Variants in SNX11 observed in about 807,000 individuals in gnomAD.
The protein encoded by SNX11 is sorting nexin-11.
Under a neutral mutation model 30.7 loss-of-function variants are expected in SNX11, and 19 were observed. The ratio of observed to expected loss-of-function variants is 0.62; its 90% confidence interval spans 0.43 to 0.91. SNX11 has a LOEUF of 0.91. Among genes scored for constraint, SNX11 ranks in the 40% least tolerant of loss-of-function variants. The pLI, the probability that SNX11 is intolerant of heterozygous loss-of-function variation, is 0.00. For synonymous variants in SNX11, 112 were observed against 119.0 expected (o/e 0.94, Z 0.38); for missense variants, 302 against 326.7 (o/e 0.92, Z 0.58).
chr17:48,113,601 A>T, intron 4 of SNX11, 200 bp downstream of exon 4: 1 of 445,016 alleles, frequency 2.2e-6, no homozygotes, highest in South Asian at 2.1e-5. Flanking sequence ...GCTGGAGTGC[A>T]GTGGTGCAAT....
chr17:48,113,858 GT>G lies in SNX11; in HGVS notation c.230+471del, dbSNP rs1250987104. On this transcript the variant is annotated intron_variant, in intron 4 of 6. Transcript: ENST00000359238. ...CCACCAGGCCCGGCTGGGAAATAAT[GT>G]TTTTTTTTTTTTTGAGATGGAGTCT... 4.1e-3 allele frequency among the ~76,000 whole-genome samples: 570 copies of G among 137,778 alleles called. 7 individuals are homozygous for G. The highest frequency in any genetic ancestry group is 0.013 in the African/African-American group (473 of 37,590). 90.4% of individuals were successfully genotyped at this position (137,778 alleles called of 152,430 possible).
At chr17:48,110,418 G>T (rs1454104429) in intron 1 of SNX11, among the ~76,000 whole-genome samples, 1 of 152,178 alleles carries the variant, frequency 6.6e-6, no homozygotes, top group East Asian at 1.9e-4. Flanking sequence ...TGCAGTGTTT[G>T]TCTGTGGAGA....
At chr17:48,110,486 G>A (rs1426017505) in intron 1 of SNX11, among the ~76,000 whole-genome samples, 1 of 152,190 alleles carries the variant, frequency 6.6e-6, no homozygotes, top group Non-Finnish European at 1.5e-5. Flanking sequence ...ATTTCATGGT[G>A]TAAATGAGTT....
chr17:48,119,641 G>A (rs997702515), intron 6 of SNX11, among the ~76,000 whole-genome samples: 2 of 152,020 alleles, frequency 1.3e-5, no homozygotes, highest in African/African-American at 4.8e-5. Flanking sequence ...TAGTAGAGAC[G>A]GGATTTTGCC....
chr17:48,112,310 A>G, intron 2 of SNX11: 1 of 633,784 alleles, frequency 1.6e-6, no homozygotes, highest in Non-Finnish European at 2.8e-6. Flanking sequence ...ATATACTGGA[A>G]TGTAAGCTTC....
At position 48,123,282 on chromosome 17, in the gene SNX11, T is replaced by TTC. The variant is rs1300890191; in HGVS notation, c.*1774_*1775insTC. Among the ~76,000 whole-genome samples, 1 of 152,126 alleles carries TTC rather than the reference T, an allele frequency of 6.6e-6. No homozygotes were observed. The highest frequency in any genetic ancestry group is 1.5e-5 in the Non-Finnish European group (1 of 68,038). On this transcript the variant is annotated 3_prime_UTR_variant, in exon 7 of 7. Coordinates refer to ENST00000359238, the MANE Select transcript of SNX11 (RefSeq NM_013323.3). ...AGCTAATGGCATCCGCTCTGCCGAT[T>TTC]GGTGGGGATGGCTCATGAATATTAA... is the stretch of plus-strand genomic sequence containing the variant.
rs750753513 is a variant in SNX11, at chr17:48,112,603, C to G, written c.72C>G (p.Pro24=). 1.5e-5 allele frequency: 25 copies of G among 1,613,702 alleles called. 1 individual carries two copies. Among genetic ancestry groups the G allele is most frequent in the South Asian group, 3.3e-5 (3 of 91,064 alleles). The part of the protein sequence containing the change: ...EEVITVRVQD[P]RVQNEGSWNS... ...TGATTACAGTGCGTGTTCAGGACCC[C>G]CGAGTGCAGAATGAGGGCTCCTGGA... Residue 24 remains proline, a synonymous_variant, in exon 3 of 7, where the codon CCC becomes CCG. Transcript: ENST00000359238.
chr17:48,113,418 T>C lies in SNX11; in HGVS notation c.230+17T>C, dbSNP rs987950317. Reference sequence around the variant, plus strand: ...TGGTTTGGTGTGAGTTTGCTCTTGCTTCCTTCTTGGGTCTGTGACTGGCTT... The same window carrying C: ...TGGTTTGGTGTGAGTTTGCTCTTGCCTCCTTCTTGGGTCTGTGACTGGCTT... On this transcript the variant is annotated intron_variant, in intron 4 of 6. Transcript: ENST00000359238. 1 of 1,595,994 alleles carries C rather than the reference T, an allele frequency of 6.3e-7. No individual in the cohort carries two copies. The highest frequency in any genetic ancestry group is 2.2e-5 in the East Asian group (1 of 44,780).
rs185163271 is a variant in SNX11, at chr17:48,108,367, A to G, written c.-14+529A>G. On this transcript the variant is annotated intron_variant, in intron 1 of 6. Transcript: ENST00000359238. ...GAGCTTCCTCTGTTTAGTACCTGTG[A>G]TATTTATAATTGGAGCGAGAGCTTT... Among the ~76,000 whole-genome samples the G allele has an allele frequency of 2.0e-5, 3 of 152,338 alleles. No homozygotes were observed. The East Asian group carries it at 5.8e-4, about 29-fold the overall frequency.
intron 4 of SNX11, among the ~76,000 whole-genome samples, chr17:48,114,454 C>A (rs73332969): frequency 7.3e-6 from 1 of 137,276 alleles, no homozygotes; most frequent in Non-Finnish European, 1.5e-5. Context: ...ATGCCCAGGC[C>A]TTCTTTTTTT....
intron 4 of SNX11, among the ~76,000 whole-genome samples, chr17:48,116,163 G>A (rs867787342): frequency 2.0e-5 from 3 of 152,110 alleles, no homozygotes; most frequent in Middle Eastern, 3.4e-3. Flanking sequence ...GGAGGCTGAG[G>A]CAGAGAATTG....
chr17:48,109,057 C>A (rs1247811286), intron 1 of SNX11, among the ~76,000 whole-genome samples: 1 of 152,016 alleles, frequency 6.6e-6, no homozygotes, highest in Non-Finnish European at 1.5e-5. Context: ...CTCAGTCTCC[C>A]GAGTAGCTGG....
chr17:48,112,693 C>CCCTGCAGA, intron 3 of SNX11, 33 bp downstream of exon 3: 1 of 1,410,428 alleles, frequency 7.1e-7, no homozygotes, highest in Non-Finnish European at 1.0e-6. Context: ...TTGGGGTCAG[C>CCCTGCAGA]GCTCTGCAGG....
intron 5 of SNX11, 83 bp downstream of exon 5, chr17:48,118,882 G>A: frequency 1.9e-6 from 3 of 1,556,760 alleles, no homozygotes. Flanking sequence ...GGAGCTCCCT[G>A]CTCAGGTAGC....
chr17:48,110,962 C>T (rs994037195), intron 1 of SNX11: 3 of 308,268 alleles, frequency 9.7e-6, no homozygotes, highest in South Asian at 1.3e-4. Flanking sequence ...GTCCCCTTGT[C>T]GGAGTGGGTG....
At chr17:48,111,932 C>A in intron 1 of SNX11, 99 bp from the exon 2 acceptor site, 2 of 918,662 alleles carry the variant, frequency 2.2e-6, no homozygotes, top group African/African-American at 1.6e-5. Context: ...TGGGTTTCCC[C>A]ACGGGGGTCT....
At chr17:48,114,906 A>G (rs1028339964) in intron 4 of SNX11, among the ~76,000 whole-genome samples, 1 of 150,854 alleles carries the variant, frequency 6.6e-6, no homozygotes, top group Non-Finnish European at 1.5e-5. Context: ...AGCTCAGGCA[A>G]TCCACCCATC....
rs1321462067 is a variant in SNX11 at position 48,111,485 on chromosome 17, T to TA, written c.-13-541dup. Reference sequence around the variant, plus strand: ...CAACATGGAGAAACCCCGTCTCTACTAAAAATACAAAATTAGCTGGGTGTG... The same window carrying TA: ...CAACATGGAGAAACCCCGTCTCTACTAAAAAATACAAAATTAGCTGGGTGTG... On this transcript the variant is annotated intron_variant, in intron 1 of 6. Coordinates refer to ENST00000359238, the MANE Select transcript of SNX11 (RefSeq NM_013323.3). Among the ~76,000 whole-genome samples the TA allele has an allele frequency of 2.6e-5, 4 of 152,122 alleles. No homozygotes were observed. The South Asian group carries it at 8.3e-4, about 32-fold the overall frequency.
chr17:48,120,762 G>C (rs1378933379), intron 6 of SNX11, among the ~76,000 whole-genome samples: 1 of 146,838 alleles, frequency 6.8e-6, no homozygotes, highest in Non-Finnish European at 1.5e-5. Flanking sequence ...TGCCCACCTC[G>C]GTCTCCCAAA....
Sources: gnomAD v4.1 joint callset for allele counts (sites outside exome capture counted in the v4.1 genomes callset) on GRCh38, gnomAD v4.1.1 for gene constraint, MANE v1.5 for transcripts, NCBI Gene and HGNC (gene_info 2026-07-23, HGNC 2026-07-21) for gene names.